APBB2: variants seen among roughly 807,000 people sequenced by gnomAD.
APBB2 encodes the protein Fe65-like 1.
Under a neutral mutation model 82.5 loss-of-function variants are expected in APBB2, and 38 were observed. The ratio of observed to expected loss-of-function variants is 0.46; its 90% CI spans 0.36 to 0.60. The LOEUF is 0.60. Among genes scored for constraint, APBB2 ranks in the 20% least tolerant of loss-of-function variants. The pLI, the probability that APBB2 is intolerant of heterozygous loss-of-function variation, is 0.00. For missense variants in APBB2, 772 were observed against 972.3 expected (o/e 0.79, Z 2.74); for synonymous variants, 341 against 368.2 (o/e 0.93, Z 0.85).
At chr4:41,151,468 T>C (rs746174940) in intron 1 of APBB2, among the ~76,000 whole-genome samples, 2 of 152,242 alleles carry the variant, frequency 1.3e-5, no homozygotes, top group African/African-American at 2.4e-5. Context: ...TACCAGTTTA[T>C]TTCTTCATCA....
chr4:41,002,926 G>C (rs1379820575), intron 6 of APBB2, among the ~76,000 whole-genome samples: 5 of 151,794 alleles, frequency 3.3e-5, no homozygotes, highest in Non-Finnish European at 5.9e-5. Context: ...TGTTTCCTAA[G>C]AAATAAATGT....
chr4:40,986,647 CT>C (rs1381103562), intron 6 of APBB2, among the ~76,000 whole-genome samples: 2 of 152,192 alleles, frequency 1.3e-5, no homozygotes, highest in African/African-American at 4.8e-5. Flanking sequence ...CAGGATCTGA[CT>C]TACTCCATTC....
intron 3 of APBB2, among the ~76,000 whole-genome samples, chr4:41,089,023 A>G (rs1283747811): frequency 6.6e-6 from 1 of 152,170 alleles, no homozygotes; most frequent in Non-Finnish European, 1.5e-5. Context: ...TTTCTAGGTA[A>G]CAAAGCTGAG....
intron 11 of APBB2, 41 bp from the exon 12 acceptor site, chr4:40,890,532 G>C (rs368221986): frequency 6.2e-7 from 1 of 1,609,722 alleles, no homozygotes; most frequent in Non-Finnish European, 8.5e-7. Context: ...CTTCATGCAG[G>C]CTGGAAAGCC....
chr4:41,011,719 T>C (rs2135986), intron 6 of APBB2, among the ~76,000 whole-genome samples: 126,498 of 152,012 alleles, frequency 0.83, 52,601 homozygotes, highest in East Asian at 0.89. Context: ...GCGTGAGCCA[T>C]CATGCCGGTC....
At position 41,116,405 on chromosome 4, in the gene APBB2, T is replaced by C. The variant is rs533212870; in HGVS notation, c.-260-15655A>G. ...GTGCAGCAAGCCAACATGGCAAGTG[T>C]ATACCTATGTGGCAAACCTGCACGT... On this transcript the variant is annotated intron_variant, in intron 2 of 17. Transcript: ENST00000508593. 4.0e-4 allele frequency among the ~76,000 whole-genome samples: 61 copies of C among 152,200 alleles called. 1 individual carries two copies. In the South Asian group the frequency reaches 9.6e-3, roughly 24 times the overall value.
Position 40,815,390 on chromosome 4 carries a change from T to C in APBB2, c.*702A>G, listed in dbSNP as rs776236999. The C allele has an allele frequency of 1.3e-5, 2 of 152,596 alleles. No homozygotes were observed. The highest frequency in any genetic ancestry group is 2.4e-5 in the African/African-American group (1 of 41,460). The allele number at this position is 152,596 out of a possible 1,614,324, so 9.5% of individuals were successfully genotyped here. On this transcript the variant is annotated 3_prime_UTR_variant, in exon 18 of 18. Coordinates refer to ENST00000508593, the MANE Select transcript of APBB2 (RefSeq NM_004307.2). ...TTGAAAACCATCGGAAAAGAAAGGC[T>C]ATGTTTTGTTCGATTTTAATTCCTC...
chr4:41,132,182 T>C (rs1756215142), intron 2 of APBB2, among the ~76,000 whole-genome samples: 1 of 152,200 alleles, frequency 6.6e-6, no homozygotes, highest in Admixed American at 6.5e-5. Context: ...TCCATCTTCG[T>C]ATCTATTACT....
intron 12 of APBB2, among the ~76,000 whole-genome samples, chr4:40,885,141 T>C (rs1368009867): frequency 2.0e-5 from 3 of 152,248 alleles, no homozygotes; most frequent in Admixed American, 6.5e-5. Flanking sequence ...TGACTGTTGA[T>C]GGTTGTGTGA....
intron 12 of APBB2, among the ~76,000 whole-genome samples, chr4:40,860,094 C>T (rs541291552): frequency 2.0e-5 from 3 of 152,214 alleles, no homozygotes; most frequent in Non-Finnish European, 4.4e-5. Context: ...TTACAGTGAG[C>T]TTTATAAACT....
chr4:40,828,024 C>T lies in APBB2; in HGVS notation c.1645-805G>A, dbSNP rs145207274. ...TCCCCTTTTGCTTGGCTCTGATTCT[C>T]TCTTGCCTGCTGCCATGTAAGACGT... On this transcript the variant is annotated intron_variant, in intron 13 of 17. Coordinates refer to ENST00000508593, the MANE Select transcript of APBB2 (RefSeq NM_004307.2). Among the ~76,000 whole-genome samples, 638 of 152,254 alleles carry T rather than the reference C, an allele frequency of 4.2e-3. 5 individuals carry two copies. The highest frequency in any genetic ancestry group is 0.015 in the African/African-American group (607 of 41,532).
intron 5 of APBB2, among the ~76,000 whole-genome samples, chr4:41,030,261 AC>A (rs1716217496): frequency 6.6e-6 from 1 of 152,222 alleles, no homozygotes; most frequent in African/African-American, 2.4e-5. Context: ...GCCATTCCCA[AC>A]ATAACACCTG....
intron 3 of APBB2, among the ~76,000 whole-genome samples, chr4:41,066,326 T>C (rs1731795166): frequency 6.6e-6 from 1 of 152,194 alleles, no homozygotes; most frequent in East Asian, 1.9e-4. Flanking sequence ...TTGCCCATTT[T>C]TGTGGCCATC....
At chr4:41,097,672 T>C (rs2153964763) in intron 3 of APBB2, among the ~76,000 whole-genome samples, 1 of 152,210 alleles carries the variant, frequency 6.6e-6, no homozygotes, top group East Asian at 1.9e-4. Flanking sequence ...TTTAAAACAA[T>C]CCATGGCTAA....
intron 7 of APBB2, among the ~76,000 whole-genome samples, chr4:40,939,139 T>C (rs1408411844): frequency 6.6e-6 from 1 of 152,170 alleles, no homozygotes; most frequent in Non-Finnish European, 1.5e-5. Flanking sequence ...TCTATAACCA[T>C]AAGAAATACA....
intron 6 of APBB2, among the ~76,000 whole-genome samples, chr4:41,001,051 G>A (rs1236927073): frequency 6.6e-6 from 1 of 152,168 alleles, no homozygotes; most frequent in East Asian, 1.9e-4. Context: ...GTAAAGCAAA[G>A]CAGGAACTGC....
At chr4:40,852,425 T>C (rs1759784384) in intron 12 of APBB2, among the ~76,000 whole-genome samples, 1 of 150,964 alleles carries the variant, frequency 6.6e-6, no homozygotes, top group South Asian at 2.1e-4. Flanking sequence ...TAATTCCATA[T>C]AAATTAAGGC....
intron 10 of APBB2, among the ~76,000 whole-genome samples, chr4:40,917,927 C>T (rs1398452039): frequency 6.6e-6 from 1 of 152,208 alleles, no homozygotes; most frequent in Non-Finnish European, 1.5e-5. Flanking sequence ...CTTGTTTTAA[C>T]AGAGATGAAT....
rs1251171677 is a variant in APBB2, at chr4:41,143,592, GA to G, written c.-416-451del. ...CTCAATATGCTTTAAAAAGTAAAGC[GA>G]AACCCAGATTTAATCTCAAATATAA... On this transcript the variant is annotated intron_variant, in intron 1 of 17. Transcript: ENST00000508593. Among the ~76,000 whole-genome samples, 3 of 152,102 alleles carry G rather than the reference GA, an allele frequency of 2.0e-5. No individual in the cohort carries two copies. The East Asian group carries it at 5.8e-4, about 29-fold the overall frequency.
Sources: allele counts gnomAD v4.1 joint callset (sites outside exome capture counted in the v4.1 genomes callset), GRCh38; gene constraint gnomAD v4.1.1; transcripts MANE v1.5; gene names NCBI Gene and HGNC (gene_info 2026-07-23, HGNC 2026-07-21).